Variants in USP50 observed in about 807,000 individuals in gnomAD.
USP50 encodes the protein ubiquitin specific peptidase 50.
Under a neutral mutation model 39.2 loss-of-function variants are expected in USP50, and 37 were observed. That is an observed-to-expected ratio of 0.94 (90% CI 0.73 to 1.24). USP50 has a LOEUF of 1.24. Among genes scored for constraint, USP50 ranks in the 50% most tolerant of loss-of-function variants. The pLI is 0.00. For synonymous variants in USP50, 139 were observed against 144.5 expected, an observed-to-expected ratio of 0.96 and a Z score of 0.27; for missense variants, 374 against 398.2, an observed-to-expected ratio of 0.94 and a Z score of 0.52.
chr15:50,543,470 A>G lies in USP50; in HGVS notation c.444+128T>C, dbSNP rs2053045554. ...TCAAATACTAACTTGGATGTTCTCC[A>G]TGGGACACCTAGCACAGTGCTTGGC... On this transcript the variant is annotated intron_variant, in intron 3 of 6. Transcript: ENST00000532404. 17 of 845,760 alleles carry G rather than the reference A, an allele frequency of 2.0e-5. 2 individuals are homozygous for G. The South Asian group carries it at 2.7e-4, about 14-fold the overall frequency. 52.4% of individuals were successfully genotyped at this position (845,760 alleles called of 1,614,324 possible).
At chr15:50,531,991 CAT>C (rs1030410013) in intron 5 of USP50, 10 of 377,548 alleles carry the variant, frequency 2.6e-5, no homozygotes, top group Non-Finnish European at 4.2e-5. Flanking sequence ...GACCAGCAAA[CAT>C]AGAGAATCAC....
At chr15:50,525,472 G>A (rs956487021) in intron 6 of USP50, among the ~76,000 whole-genome samples, 4 of 149,728 alleles carry the variant, frequency 2.7e-5, no homozygotes, top group Admixed American at 6.8e-5. Context: ...TTTTGTGTGT[G>A]TGTGTGTGTA....
intron 6 of USP50, among the ~76,000 whole-genome samples, chr15:50,524,620 T>C (rs2052874114): frequency 6.6e-6 from 1 of 152,140 alleles, no homozygotes; most frequent in Non-Finnish European, 1.5e-5. Flanking sequence ...AGTTAACAAG[T>C]GTTGGCAAAG....
In USP50 at chr15:50,500,861, C is replaced by T. The variant is rs764788084; in HGVS notation, c.937-24G>A. On this transcript the variant is annotated intron_variant, in intron 6 of 6. Coordinates refer to ENST00000532404, the MANE Select transcript of USP50 (RefSeq NM_203494.5). Reference sequence around the variant, plus strand: ...TTCTATGGGAGAAAGGAATGTCAAACTTAGTATTCACATATGAACACTAAC... The same window carrying T: ...TTCTATGGGAGAAAGGAATGTCAAATTTAGTATTCACATATGAACACTAAC... 1.9e-6 allele frequency: 3 copies of T among 1,557,266 alleles called. No homozygotes were observed. The South Asian group carries it at 3.5e-5, about 18-fold the overall frequency.
At chr15:50,507,295 A>C (rs1450154447) in intron 6 of USP50, 1 of 152,320 alleles carries the variant, frequency 6.6e-6, no homozygotes, top group Non-Finnish European at 1.5e-5. Context: ...AAACAAAACA[A>C]CAACAACAAC....
intron 5 of USP50, chr15:50,531,970 C>T (rs2052943497): frequency 1.4e-5 from 5 of 360,728 alleles, no homozygotes; most frequent in South Asian, 8.5e-5. Flanking sequence ...GCCCCCAAAA[C>T]TGGAAAAACA....
At chr15:50,540,958 C>G in intron 4 of USP50, 91 bp downstream of exon 4, 1 of 962,130 alleles carries the variant, frequency 1.0e-6, no homozygotes, top group Non-Finnish European at 1.6e-6. Flanking sequence ...AAAGCCGTCT[C>G]TCATACTAAA....
chr15:50,528,064 AGTTTTTT>A (rs1274479151), intron 6 of USP50, among the ~76,000 whole-genome samples: 1 of 74,660 alleles, frequency 1.3e-5, no homozygotes, highest in East Asian at 4.1e-4. Flanking sequence ...AAAAGAACTA[AGTTTTTT>A]TTTTTTTTTT....
At chr15:50,511,031 G>C (rs2052731928) in intron 6 of USP50, 2 of 152,284 alleles carry the variant, frequency 1.3e-5, no homozygotes, top group East Asian at 3.9e-4. Context: ...GCCTGCCTTG[G>C]CCTCCCAAAG....
chr15:50,517,389 T>C (rs757492519), intron 6 of USP50, among the ~76,000 whole-genome samples: 1 of 151,954 alleles, frequency 6.6e-6, no homozygotes, highest in Non-Finnish European at 1.5e-5. Context: ...GGAGAATCAC[T>C]TGAACCTGGG....
chr15:50,518,509 C>T (rs1213223365), intron 6 of USP50, among the ~76,000 whole-genome samples: 1 of 152,044 alleles, frequency 6.6e-6, no homozygotes, highest in Non-Finnish European at 1.5e-5. Context: ...CTGCGCCCAG[C>T]CCAGCCAACT....
At chr15:50,496,484 AAAAAAAAAAAAAAAAACC>A (rs1595992907), downstream of USP50, among the ~76,000 whole-genome samples, 1 of 151,436 alleles carries the variant, frequency 6.6e-6, no homozygotes, top group South Asian at 2.1e-4. Flanking sequence ...CCGTCTTAAA[AAAAAAAAAAAAAAAAACC>A]TTTTATCAGT....
At chr15:50,500,510 A>T (rs1480529319), downstream of USP50, 3 of 365,698 alleles carry the variant, frequency 8.2e-6, no homozygotes, top group Non-Finnish European at 1.5e-5. Flanking sequence ...TTATCTTAAG[A>T]TGAAAGGTTG....
downstream of USP50, chr15:50,500,374 C>T: frequency 6.3e-6 from 1 of 158,860 alleles, no homozygotes; most frequent in East Asian, 1.8e-4. Flanking sequence ...TTCTGATAAA[C>T]ACTGAATTTT....
At chr15:50,525,606 GTATATATGTATATA>G (rs2052886578) in intron 6 of USP50, among the ~76,000 whole-genome samples, 1 of 128,278 alleles carries the variant, frequency 7.8e-6, no homozygotes, top group South Asian at 2.3e-4. Flanking sequence ...ATATGTATAT[GTATATATGTATATA>G]TGTATATGTA....
intron 6 of USP50, among the ~76,000 whole-genome samples, chr15:50,519,948 A>G (rs577457268): frequency 1.3e-5 from 2 of 152,290 alleles, no homozygotes; most frequent in East Asian, 3.9e-4. Flanking sequence ...TCCAAGGGAA[A>G]GAAAATCATA....
At chr15:50,514,381 T>C (rs1427373281) in intron 6 of USP50, 1 of 152,196 alleles carries the variant, frequency 6.6e-6, no homozygotes, top group Non-Finnish European at 1.5e-5. Flanking sequence ...TGTACTTTTC[T>C]GTATATATGT....
chr15:50,496,191 T>G, downstream of USP50: 1 of 974,350 alleles, frequency 1.0e-6, no homozygotes, highest in South Asian at 1.7e-5. Flanking sequence ...ATTTTATCAG[T>G]AAAACTCGGC....
chr15:50,538,848 A>G lies in USP50; in HGVS notation c.664T>C (p.Cys222Arg), dbSNP rs565710430. The G allele has an allele frequency of 3.8e-6, 6 of 1,594,966 alleles. No individual in the cohort carries two copies. In the African/African-American group the frequency reaches 5.4e-5, roughly 14 times the overall value. ...PSKYECSLRD[C>R]LQCFFQQDAL... ...TCTTGTTGAAAAAAACATTGGAGAC[A>G]GTCCTGTTAAGGAAAAAAAGGATTT... Residue 222 changes from cysteine to arginine, a missense_variant, in exon 5 of 7, where the codon TGT becomes CGT. Transcript: ENST00000532404.
Sources: gnomAD v4.1 joint callset for allele counts (sites outside exome capture counted in the v4.1 genomes callset) on GRCh38, gnomAD v4.1.1 for gene constraint, MANE v1.5 for transcripts, NCBI Gene and HGNC (gene_info 2026-07-23, HGNC 2026-07-21) for gene names.